Variants in PPM1L observed in about 807,000 individuals in gnomAD.
PPM1L encodes the protein protein phosphatase 1L.
A neutral mutation model predicts 31.4 loss-of-function variants in PPM1L; 13 were observed. The ratio of observed to expected loss-of-function variants is 0.41; its 90% CI spans 0.27 to 0.66. The LOEUF is 0.66. Among genes scored for constraint, PPM1L ranks in the 30% least tolerant of loss-of-function variants. The pLI is 0.29. For missense variants in PPM1L, 326 were observed against 453.7 expected (o/e 0.72, Z 2.56); for synonymous variants, 184 against 175.4 (o/e 1.05, Z -0.39).
chr3:160,974,846 TC>T (rs2108027881), intron 2 of PPM1L, among the ~76,000 whole-genome samples: 1 of 145,120 alleles, frequency 6.9e-6, no homozygotes, highest in Non-Finnish European at 1.5e-5. Context: ...GATGGTAGTT[TC>T]TTTTGCTGTG....
intron 2 of PPM1L, among the ~76,000 whole-genome samples, chr3:160,993,539 G>A (rs1211525386): frequency 6.6e-6 from 1 of 152,118 alleles, no homozygotes; most frequent in African/African-American, 2.4e-5. Flanking sequence ...TTCTGGTGAT[G>A]CTTCTAAACC....
At chr3:160,864,063 T>C (rs1337250480) in intron 1 of PPM1L, among the ~76,000 whole-genome samples, 1 of 152,230 alleles carries the variant, frequency 6.6e-6, no homozygotes, top group Non-Finnish European at 1.5e-5. Context: ...GAACATTTTA[T>C]TAGATTTGTT....
chr3:160,929,507 C>T (rs1452255527), intron 1 of PPM1L, among the ~76,000 whole-genome samples: 1 of 152,152 alleles, frequency 6.6e-6, no homozygotes, highest in East Asian at 1.9e-4. Flanking sequence ...AGAGAGGGGG[C>T]AGGAAAGTGC....
At chr3:160,794,852 G>A (rs1057317267) in intron 1 of PPM1L, among the ~76,000 whole-genome samples, 1 of 152,164 alleles carries the variant, frequency 6.6e-6, no homozygotes, top group Non-Finnish European at 1.5e-5. Flanking sequence ...CTCATTCAAA[G>A]CTGTCCTGGG....
intron 2 of PPM1L, among the ~76,000 whole-genome samples, chr3:161,058,385 A>T (rs1379026732): frequency 6.6e-6 from 1 of 151,856 alleles, no homozygotes; most frequent in Non-Finnish European, 1.5e-5. Flanking sequence ...TCAGCCTCCG[A>T]AAGTGCTGGG....
At chr3:160,975,534 C>T (rs945434542) in intron 2 of PPM1L, among the ~76,000 whole-genome samples, 1 of 152,132 alleles carries the variant, frequency 6.6e-6, no homozygotes, top group African/African-American at 2.4e-5. Flanking sequence ...TTGTTTGTAT[C>T]CTTTTTTATT....
intron 1 of PPM1L, among the ~76,000 whole-genome samples, chr3:160,947,642 T>C (rs1715451989): frequency 6.6e-6 from 1 of 152,132 alleles, no homozygotes; most frequent in Non-Finnish European, 1.5e-5. Flanking sequence ...TGTCTACTTC[T>C]GCCCACTCCC....
rs150938134 is a variant in PPM1L, at chr3:160,953,933, ATG to A, written c.400-7799_400-7798del. On this transcript the variant is annotated intron_variant, in intron 1 of 3. Coordinates refer to ENST00000498165, the MANE Select transcript of PPM1L (RefSeq NM_139245.4). ...TCCCATCTGTTGGGAAGCTTTGCTC[ATG>A]TGTTCTTTTGTTCTATTCTGGGTTT... Among the ~76,000 whole-genome samples the A allele has an allele frequency of 3.0e-4, 46 of 152,274 alleles. 1 individual carries two copies. In the South Asian group the frequency reaches 8.1e-3, roughly 27 times the overall value.
chr3:161,052,997 A>T (rs1478407780), intron 2 of PPM1L, among the ~76,000 whole-genome samples: 5 of 152,218 alleles, frequency 3.3e-5, no homozygotes, highest in Non-Finnish European at 7.3e-5. Context: ...GCATTCATAA[A>T]AAAAGCAGAG....
chr3:160,920,256 C>G (rs1714341205), intron 1 of PPM1L, among the ~76,000 whole-genome samples: 1 of 152,158 alleles, frequency 6.6e-6, no homozygotes, highest in South Asian at 2.1e-4. Context: ...AAGTCTGCCA[C>G]CTCTGGGAGC....
intron 1 of PPM1L, among the ~76,000 whole-genome samples, chr3:160,862,220 A>G (rs944649525): frequency 1.3e-5 from 2 of 152,104 alleles, no homozygotes; most frequent in Non-Finnish European, 2.9e-5. Flanking sequence ...GTCAAAGAAA[A>G]TAAGTTCTAT....
At chr3:160,891,128 A>T (rs1164151899) in intron 1 of PPM1L, among the ~76,000 whole-genome samples, 2 of 152,212 alleles carry the variant, frequency 1.3e-5, no homozygotes, top group Non-Finnish European at 2.9e-5. Flanking sequence ...GACAAATGTG[A>T]TCTAATTAAA....
At chr3:160,785,500 ACC>A (rs2108069288) in intron 1 of PPM1L, among the ~76,000 whole-genome samples, 1 of 151,930 alleles carries the variant, frequency 6.6e-6, no homozygotes, top group Admixed American at 6.6e-5. Context: ...GATCTCTAAA[ACC>A]CCTCCCCAGA....
intron 1 of PPM1L, among the ~76,000 whole-genome samples, chr3:160,803,207 A>G (rs1712487237): frequency 6.6e-6 from 1 of 152,254 alleles, no homozygotes; most frequent in African/African-American, 2.4e-5. Flanking sequence ...AGGCAGTCAT[A>G]TGCTCATACC....
intron 1 of PPM1L, among the ~76,000 whole-genome samples, chr3:160,906,193 C>T (rs1341862885): frequency 3.3e-5 from 5 of 152,030 alleles, no homozygotes; most frequent in African/African-American, 9.7e-5. Context: ...TTTTAAAAAA[C>T]AAGGTGAGGT....
At chr3:160,782,251 T>G (rs980164679) in intron 1 of PPM1L, among the ~76,000 whole-genome samples, 3 of 152,170 alleles carry the variant, frequency 2.0e-5, no homozygotes, top group Middle Eastern at 3.2e-3. Flanking sequence ...GACAGTTGTT[T>G]GACCTTTCGC....
rs1282191735 is a variant in PPM1L, at chr3:161,071,568, A to C, written c.*2411A>C. 1 of 152,238 alleles carries C rather than the reference A, an allele frequency of 6.6e-6. No homozygotes were observed. The highest frequency in any genetic ancestry group is 2.4e-5 in the African/African-American group (1 of 41,466). The allele number at this position is 152,238 out of a possible 1,614,324, so 9.4% of individuals were successfully genotyped here. A position where few individuals can be genotyped will look rare whatever the true frequency, so the allele number is the denominator to read the frequency against. ...CTGATGTTAACCAAATAGAGTGTAT[A>C]TATCCTACTCCCATTACTGCCTCTT... On this transcript the variant is annotated 3_prime_UTR_variant, in exon 4 of 4. Coordinates refer to ENST00000498165, the MANE Select transcript of PPM1L (RefSeq NM_139245.4).
At chr3:161,058,507 G>A (rs1472052753) in intron 2 of PPM1L, among the ~76,000 whole-genome samples, 2 of 151,932 alleles carry the variant, frequency 1.3e-5, no homozygotes, top group Admixed American at 6.6e-5. Flanking sequence ...TATGCATTGA[G>A]CAATGTAATC....
chr3:160,918,553 G>A (rs879463987), intron 1 of PPM1L, among the ~76,000 whole-genome samples: 11 of 152,058 alleles, frequency 7.2e-5, no homozygotes, highest in African/African-American at 1.2e-4. Context: ...ATGAAACTAT[G>A]CATAAATATT....
Sources: gnomAD v4.1 joint callset for allele counts (sites outside exome capture counted in the v4.1 genomes callset) on GRCh38, gnomAD v4.1.1 for gene constraint, MANE v1.5 for transcripts, NCBI Gene and HGNC (gene_info 2026-07-23, HGNC 2026-07-21) for gene names.